The following MTNAP1 variants were observed in gnomAD, a reference collection of about 807,000 sequenced individuals.
MTNAP1 encodes the protein mitochondrial nucleoid associated protein 1.
At chr17:73,248,214 G>A in the MTNAP1 span, 1 of 426,128 alleles carries the variant, frequency 2.3e-6, no homozygotes, top group Non-Finnish European at 4.3e-6. Context: ...GTGATCACCA[G>A]ATTAAAAGCT....
chr17:73,246,358 C>A, the MTNAP1 span, among the ~76,000 whole-genome samples: 1 of 151,796 alleles, frequency 6.6e-6, no homozygotes. Flanking sequence ...GTGGTGAAAT[C>A]CATCTCTACA....
the MTNAP1 span, chr17:73,235,994 C>G: frequency 1.2e-6 from 2 of 1,614,062 alleles, no homozygotes; most frequent in African/African-American, 1.3e-5. Context: ...GAAGCTGGAG[C>G]GTCTTTACTG....
the MTNAP1 span, chr17:73,248,719 G>A: frequency 6.1e-6 from 4 of 651,716 alleles, no homozygotes; most frequent in Admixed American, 2.4e-5. Flanking sequence ...TACCCCGGCT[G>A]TAACTCACAC....
chr17:73,235,083 G>T, the MTNAP1 span, among the ~76,000 whole-genome samples: 5 of 151,168 alleles, frequency 3.3e-5, no homozygotes, highest in African/African-American at 4.9e-5. Flanking sequence ...TTAGTCAGGC[G>T]TGGTGGCATG....
chr17:73,242,850 C>T, the MTNAP1 span: 1 of 1,506,876 alleles, frequency 6.6e-7, no homozygotes, highest in Non-Finnish European at 9.1e-7. Context: ...GATACTGGCC[C>T]TAGTTTCAGT....
the MTNAP1 span, among the ~76,000 whole-genome samples, chr17:73,243,549 T>C: frequency 5.2e-5 from 5 of 95,526 alleles, no homozygotes; most frequent in East Asian, 1.1e-3. Flanking sequence ...TCATGTTGTC[T>C]TTTTTTTTTT....
chr17:73,247,006 T>C, the MTNAP1 span, among the ~76,000 whole-genome samples: 1 of 152,128 alleles, frequency 6.6e-6, no homozygotes, highest in Non-Finnish European at 1.5e-5. Context: ...TAATACCCTC[T>C]TTCCCGGTCC....
the MTNAP1 span, chr17:73,237,110 A>T: frequency 9.2e-7 from 1 of 1,084,162 alleles, no homozygotes; most frequent in East Asian, 2.6e-5. Flanking sequence ...ATTTTCACCT[A>T]GGCATGCCAG....
chr17:73,248,302 G>C, the MTNAP1 span: 1 of 595,912 alleles, frequency 1.7e-6, no homozygotes, highest in South Asian at 2.0e-5. Context: ...GTACGCTTCA[G>C]GTGTGAGGCG....
the MTNAP1 span, chr17:73,236,692 A>G: frequency 6.2e-7 from 1 of 1,614,102 alleles, no homozygotes; most frequent in Admixed American, 1.7e-5. Context: ...AAAGGCATTA[A>G]TGGAGAGTCC....
chr17:73,236,938 A>C, the MTNAP1 span: 1 of 1,611,446 alleles, frequency 6.2e-7, no homozygotes. Context: ...TCAGTGTTGG[A>C]ATGCAATGAC....
At chr17:73,242,853 G>T in the MTNAP1 span, 1 of 1,534,662 alleles carries the variant, frequency 6.5e-7, no homozygotes, top group Non-Finnish European at 8.9e-7. Context: ...ACTGGCCCTA[G>T]TTTCAGTTGC....
chr17:73,243,118 TG>T, the MTNAP1 span: 2 of 769,632 alleles, frequency 2.6e-6, no homozygotes, highest in Non-Finnish European at 4.3e-6. Flanking sequence ...TTACAGTATC[TG>T]GCATGCCCTG....
the MTNAP1 span, among the ~76,000 whole-genome samples, chr17:73,239,553 C>T: frequency 7.0e-6 from 1 of 142,610 alleles, no homozygotes; most frequent in African/African-American, 2.6e-5. Context: ...GAGTCTTGCT[C>T]TGTCTCCCAG....
At chr17:73,235,919 C>A in the MTNAP1 span, 22 of 1,614,044 alleles carry the variant, frequency 1.4e-5, no homozygotes, top group African/African-American at 5.3e-5. Context: ...TCAGAGAAAA[C>A]CTCTCCTAAA....
the MTNAP1 span, among the ~76,000 whole-genome samples, chr17:73,241,993 G>T: frequency 7.9e-5 from 12 of 152,188 alleles, no homozygotes; most frequent in Non-Finnish European, 1.8e-4. Context: ...CCTGGCCAGG[G>T]TACTCAGCAG....
At chr17:73,246,064 A>T in the MTNAP1 span, among the ~76,000 whole-genome samples, 5 of 152,114 alleles carry the variant, frequency 3.3e-5, no homozygotes, top group African/African-American at 1.2e-4. Context: ...TTACAGGTAG[A>T]AAAAGCTTTG....
chr17:73,237,037 A>G, the MTNAP1 span: 13 of 1,489,012 alleles, frequency 8.7e-6, no homozygotes, highest in African/African-American at 1.8e-4. Context: ...CCCATCCAAA[A>G]TGCTCTCTCT....
At chr17:73,247,758 A>G in the MTNAP1 span, 4 of 163,740 alleles carry the variant, frequency 2.4e-5, no homozygotes, top group East Asian at 5.3e-4. Context: ...CACATATAGT[A>G]GGAAACAACA....
Sources: allele counts gnomAD v4.1 joint callset (sites outside exome capture counted in the v4.1 genomes callset), GRCh38; gene constraint gnomAD v4.1.1; transcripts MANE v1.5; gene names NCBI Gene and HGNC (gene_info 2026-07-23, HGNC 2026-07-21).